XKR4: variants seen among roughly 807,000 people sequenced by gnomAD.
XKR4 encodes the protein XK-related protein 4.
Under a neutral mutation model 53.9 loss-of-function variants are expected in XKR4, and 12 were observed. That is an observed-to-expected ratio of 0.22 (90% confidence interval 0.14 to 0.36). The LOEUF is 0.36. XKR4 is among the 10% of genes least tolerant of loss of function. The probability of loss-of-function intolerance (pLI) is 1.00; values close to 1 mark genes in which losing one functional copy is unlikely to be tolerated. For synonymous variants in XKR4, 354 were observed against 362.4 expected (o/e 0.98, Z 0.26); for missense variants, 799 against 859.5 (o/e 0.93, Z 0.88).
intron 2 of XKR4, among the ~76,000 whole-genome samples, chr8:55,399,895 G>A (rs1276916287): frequency 6.6e-6 from 1 of 152,214 alleles, no homozygotes; most frequent in African/African-American, 2.4e-5. Context: ...CAGGACAGGA[G>A]CAGCCTGCTC....
intron 2 of XKR4, among the ~76,000 whole-genome samples, chr8:55,400,787 G>A (rs184267378): frequency 7.9e-5 from 12 of 152,240 alleles, no homozygotes; most frequent in Admixed American, 7.2e-4. Context: ...TGGGGTGGTC[G>A]TGCCTTGCCT....
At chr8:55,173,592 GT>G (rs1306268975) in intron 1 of XKR4, among the ~76,000 whole-genome samples, 1 of 152,152 alleles carries the variant, frequency 6.6e-6, no homozygotes, top group African/African-American at 2.4e-5. Context: ...TTCTGACAGT[GT>G]TTTCCTCATC....
intron 1 of XKR4, among the ~76,000 whole-genome samples, chr8:55,256,169 T>G (rs1259128662): frequency 6.6e-6 from 1 of 152,082 alleles, no homozygotes; most frequent in East Asian, 1.9e-4. Context: ...AGGTGGAGAC[T>G]TCATAGAGTC....
chr8:55,153,305 GT>G (rs1235634044), intron 1 of XKR4, among the ~76,000 whole-genome samples: 4 of 152,206 alleles, frequency 2.6e-5, no homozygotes, highest in African/African-American at 9.6e-5. Flanking sequence ...CATTTTTGGT[GT>G]TTTTACCTTC....
intron 2 of XKR4, among the ~76,000 whole-genome samples, chr8:55,447,068 A>G (rs1288236015): frequency 6.6e-6 from 1 of 152,046 alleles, no homozygotes; most frequent in Admixed American, 6.6e-5. Flanking sequence ...AAAAAAAAAA[A>G]AAAGCAGAGG....
intron 2 of XKR4, among the ~76,000 whole-genome samples, chr8:55,436,631 C>T (rs749257081): frequency 1.3e-4 from 20 of 152,174 alleles, no homozygotes; most frequent in Non-Finnish European, 2.5e-4. Context: ...ACCTCACAGA[C>T]TGACAATTTA....
chr8:55,366,986 C>A (rs1323999080), intron 2 of XKR4, among the ~76,000 whole-genome samples: 1 of 152,186 alleles, frequency 6.6e-6, no homozygotes, highest in Non-Finnish European at 1.5e-5. Flanking sequence ...TCCTCTTCCT[C>A]ACTTCCTATC....
Position 55,102,596 on chromosome 8 carries a change from A to T in XKR4, c.108A>T (p.Pro36=). The change falls in exon 1 of 3, where the codon CCA becomes CCT. Residue 36 remains proline, a synonymous_variant. Coordinates refer to ENST00000327381, the MANE Select transcript of XKR4 (RefSeq NM_052898.2). The surrounding 1 kb of genome is among the most constrained non-coding windows in gnomAD (Gnocchi z 5.1). The part of the protein sequence containing the change: ...DHSGSVQGLA[P]GLPSGSGAED... ...CGGGCTCGGTGCAGGGATTGGCTCCAGGCTTGCCGTCGGGGTCGGGAGCCG... is the reference window on the plus strand; with the variant it reads ...CGGGCTCGGTGCAGGGATTGGCTCCTGGCTTGCCGTCGGGGTCGGGAGCCG... 1.4e-6 allele frequency: 2 copies of T among 1,479,816 alleles called. No homozygotes were observed. Among genetic ancestry groups the T allele is most frequent in the Non-Finnish European group, 1.8e-6 (2 of 1,105,942 alleles). The allele number at this position is 1,479,816 out of a possible 1,614,324, so 91.7% of individuals were successfully genotyped here.
At chr8:55,410,565 G>A (rs1044189321) in intron 2 of XKR4, among the ~76,000 whole-genome samples, 3 of 152,116 alleles carry the variant, frequency 2.0e-5, no homozygotes, top group African/African-American at 7.2e-5. Context: ...GCCCTTTGTG[G>A]ACTCACATTC....
intron 2 of XKR4, chr8:55,451,790 G>A: frequency 9.8e-7 from 1 of 1,018,898 alleles, no homozygotes; most frequent in Admixed American, 1.9e-5. Context: ...CCAAGGCACT[G>A]ATAGTCGCGG....
At chr8:55,440,167 A>C (rs1441993524) in intron 2 of XKR4, among the ~76,000 whole-genome samples, 2 of 152,206 alleles carry the variant, frequency 1.3e-5, no homozygotes, top group East Asian at 3.8e-4. Context: ...TACAAGAGTG[A>C]AATATATTTT....
intron 2 of XKR4, among the ~76,000 whole-genome samples, chr8:55,501,880 C>A (rs1351858939): frequency 6.6e-6 from 1 of 152,046 alleles, no homozygotes; most frequent in East Asian, 1.9e-4. Flanking sequence ...GTCCCAGGAC[C>A]CCCTGGGATA....
intron 1 of XKR4, among the ~76,000 whole-genome samples, chr8:55,202,547 A>G (rs1817589691): frequency 6.6e-6 from 1 of 152,166 alleles, no homozygotes; most frequent in African/African-American, 2.4e-5. Context: ...AAGGCTCTTT[A>G]GGTGTGTTTT....
At chr8:55,186,919 T>A (rs146337239) in intron 1 of XKR4, among the ~76,000 whole-genome samples, 3 of 152,240 alleles carry the variant, frequency 2.0e-5, no homozygotes, top group Non-Finnish European at 2.9e-5. Flanking sequence ...CAAGCAATTA[T>A]ATGAGCTATG....
Position 55,538,955 on chromosome 8 carries a change from G to A in XKR4, c.*14728G>A, listed in dbSNP as rs533127593. 6.6e-6 allele frequency: 1 copy of A among 152,238 alleles called. No homozygotes were observed. The highest frequency in any genetic ancestry group is 2.1e-4 in the South Asian group (1 of 4,824). The allele number at this position is 152,238 out of a possible 1,614,324, so 9.4% of individuals were successfully genotyped here. ...ATAACTACATTTCAAATATTTCGGA[G>A]AAGTTTTTACACAGGGCTTCAGCTA... On this transcript the variant is annotated 3_prime_UTR_variant, in exon 3 of 3. Coordinates refer to ENST00000327381, the MANE Select transcript of XKR4 (RefSeq NM_052898.2).
chr8:55,163,778 T>C (rs1042508026), intron 1 of XKR4, among the ~76,000 whole-genome samples: 21 of 152,128 alleles, frequency 1.4e-4, no homozygotes, highest in African/African-American at 4.8e-4. Flanking sequence ...TCAGGAGGCA[T>C]AGGTTGCAGT....
At chr8:55,497,467 C>A (rs896143346) in intron 2 of XKR4, among the ~76,000 whole-genome samples, 3 of 152,072 alleles carry the variant, frequency 2.0e-5, no homozygotes, top group African/African-American at 7.2e-5. Flanking sequence ...CTGTTCTAAC[C>A]TTTTGCTTTA....
At chr8:55,186,405 C>T (rs1182438825) in intron 1 of XKR4, among the ~76,000 whole-genome samples, 2 of 152,088 alleles carry the variant, frequency 1.3e-5, no homozygotes, top group Non-Finnish European at 2.9e-5. Flanking sequence ...CCTGTAATTG[C>T]AGCACTTTGG....
intron 1 of XKR4, among the ~76,000 whole-genome samples, chr8:55,231,403 T>G (rs1399633278): frequency 1.3e-5 from 2 of 152,238 alleles, no homozygotes; most frequent in Non-Finnish European, 2.9e-5. Flanking sequence ...GCCCTTCCAT[T>G]TCACTTAGCT....
Sources: allele counts gnomAD v4.1 joint callset (sites outside exome capture counted in the v4.1 genomes callset), GRCh38; gene constraint gnomAD v4.1.1; non-coding constraint Gnocchi (gnomAD v3.1); transcripts MANE v1.5; gene names NCBI Gene and HGNC (gene_info 2026-07-23, HGNC 2026-07-21).